The following HCN2 variants were observed in gnomAD, a reference collection of about 807,000 sequenced individuals.
HCN2 encodes hyperpolarization activated cyclic nucleotide gated potassium and sodium channel 2.
Under a neutral mutation model 52.3 loss-of-function variants are expected in HCN2, and 20 were observed. The ratio of observed to expected loss-of-function variants is 0.38; its 90% CI spans 0.27 to 0.56. The LOEUF is 0.56. Among genes scored for constraint, HCN2 ranks in the 20% least tolerant of loss-of-function variants. HCN2 has a pLI of 0.71. For missense variants in HCN2, 981 were observed against 1,207.7 expected (o/e 0.81, Z 2.78); for synonymous variants, 694 against 537.0 (o/e 1.29, Z -4.04).
Position 590,246 on chromosome 19 carries a change from G to T in HCN2, c.301G>T (p.Glu101Ter). 1.0e-6 allele frequency: 1 copy of T among 988,448 alleles called. No individual in the cohort carries two copies. Among genetic ancestry groups the T allele is most frequent in the South Asian group, 4.4e-5 (1 of 22,982 alleles). The allele number at this position is 988,448 out of a possible 1,614,324, so 61.2% of individuals were successfully genotyped here. A position where few individuals can be genotyped will look rare whatever the true frequency, so the allele number is the denominator to read the frequency against. ...CACGGCCAAGGGCAGCCCGAACGGC[G>T]AGTGCGGGCGCGGCGAGCCGCAGTG... Reference protein sequence around the residue: ...ASTAKGSPNGECGRGEPQCSP... With the variant: ...ASTAKGSPNG Residue 101 changes from glutamate to a stop codon, truncating the protein, a stop_gained, in exon 1 of 8, where the codon GAG (glutamate) becomes TAG (stop). Transcript: ENST00000251287. LOFTEE classifies it high-confidence loss of function. The surrounding 1 kb of genome is among the most constrained non-coding windows in gnomAD (Gnocchi z 7.2).
chr19:615,237 C>T (rs1405286173), intron 7 of HCN2, among the ~76,000 whole-genome samples: 2 of 149,646 alleles, frequency 1.3e-5, no homozygotes, highest in Admixed American at 6.6e-5. Flanking sequence ...CTGCCAGGCG[C>T]GGTGGCTCAC....
intron 6 of HCN2, 27 bp downstream of exon 6, chr19:613,515 G>T (rs755119338): frequency 1.9e-6 from 2 of 1,056,468 alleles, no homozygotes; most frequent in Non-Finnish European, 1.4e-6. Flanking sequence ...CGCGCCTGGA[G>T]GGGGAGGGGG....
chr19:602,538 T>C (rs1983241049), intron 1 of HCN2, among the ~76,000 whole-genome samples: 2 of 152,172 alleles, frequency 1.3e-5, no homozygotes, highest in Admixed American at 6.5e-5. Context: ...TCTGGGGCCC[T>C]CACCTCCCGG....
chr19:603,144 G>A (rs1276619586), intron 1 of HCN2, among the ~76,000 whole-genome samples: 3 of 54,038 alleles, frequency 5.6e-5, no homozygotes, highest in South Asian at 6.9e-4. Context: ...GGTGCCCCTC[G>A]TCCCACAGGG....
chr19:609,494 AGTGGCTCCT>A (rs2144524496), intron 4 of HCN2, among the ~76,000 whole-genome samples: 1 of 152,340 alleles, frequency 6.6e-6, no homozygotes, highest in African/African-American at 2.4e-5. Context: ...GGCCTGGTGC[AGTGGCTCCT>A]GCCTGTAATC....
chr19:614,285 G>A (rs1355946082), intron 7 of HCN2, among the ~76,000 whole-genome samples: 1 of 152,186 alleles, frequency 6.6e-6, no homozygotes, highest in Admixed American at 6.5e-5. Flanking sequence ...TTCAGCCAGA[G>A]GCAGCCTGTT....
At position 592,556 on chromosome 19, in the gene HCN2, C is replaced by G. The variant is rs558893456; in HGVS notation, c.632+1979C>G. Among the ~76,000 whole-genome samples, 9 of 152,136 alleles carry G rather than the reference C, an allele frequency of 5.9e-5. No homozygotes were observed. The highest frequency in any genetic ancestry group is 1.0e-4 in the Non-Finnish European group (7 of 68,018). On this transcript the variant is annotated intron_variant, in intron 1 of 7. Transcript: ENST00000251287. This position sits in a 1 kb window ranked among gnomAD's most constrained non-coding sequence, Gnocchi z 4.8. ...GTGTGGACCAAGTGCAGCCCCACCCCGGCAGATGAGTGTTGAAGTGGAACT... is the reference window on the plus strand; with the variant it reads ...GTGTGGACCAAGTGCAGCCCCACCCGGGCAGATGAGTGTTGAAGTGGAACT...
At chr19:611,949 C>T (rs1395574181) in intron 5 of HCN2, among the ~76,000 whole-genome samples, 1 of 152,102 alleles carries the variant, frequency 6.6e-6, no homozygotes, top group Admixed American at 6.5e-5. Flanking sequence ...AGTTCGAGAC[C>T]AGCCTGGCCA....
chr19:608,224 G>T (rs891642442), intron 4 of HCN2, 42 bp downstream of exon 4: 3 of 1,567,690 alleles, frequency 1.9e-6, no homozygotes, highest in African/African-American at 1.4e-5. Context: ...TGATGGGGGA[G>T]GCGGGCCTGG....
Position 605,054 on chromosome 19 carries a change from C to G in HCN2, c.1057-7C>G, listed in dbSNP as rs1289267886. ...GGGTAGGGTGGGCTCACGGCGCCTT[C>G]CTGCAGATCTTCCACATGACCTATG... On this transcript the variant is annotated splice_polypyrimidine_tract_variant and splice_region_variant and intron_variant, in intron 2 of 7. Coordinates refer to ENST00000251287, the MANE Select transcript of HCN2 (RefSeq NM_001194.4). 2.5e-6 allele frequency: 4 copies of G among 1,607,384 alleles called. No homozygotes were observed. The highest frequency in any genetic ancestry group is 1.9e-4 in the Middle Eastern group (1 of 5,180).
In HCN2 at chr19:604,976, C is replaced by T. The variant is rs533419348; in HGVS notation, c.1057-85C>T. On this transcript the variant is annotated intron_variant, in intron 2 of 7. Coordinates refer to ENST00000251287, the MANE Select transcript of HCN2 (RefSeq NM_001194.4). The stretch of plus-strand genomic sequence containing the variant: ...TTTGGGGGAGGGGGCCAGGAGCTCC[C>T]GCAGTGGGGGCGCACGGGGCTGGGG... 141 of 1,331,510 alleles carry T rather than the reference C, an allele frequency of 1.1e-4. 3 individuals carry two copies. In the South Asian group the frequency reaches 1.5e-3, roughly 14 times the overall value. The allele number at this position is 1,331,510 out of a possible 1,614,324, so 82.5% of individuals were successfully genotyped here.
rs1428959051 is a variant in HCN2, at chr19:616,906, G to A, written c.*432G>A. 9.9e-6 allele frequency: 3 copies of A among 302,134 alleles called. No homozygotes were observed. The highest frequency in any genetic ancestry group is 4.6e-5 in the African/African-American group (2 of 43,598). 18.7% of individuals were successfully genotyped at this position (302,134 alleles called of 1,614,324 possible). ...GCCGGCTTCCCGCTGCCCCCATCGC[G>A]CTCACGCAATAACCGGCCCGGCCCC... On this transcript the variant is annotated 3_prime_UTR_variant, in exon 8 of 8. Transcript: ENST00000251287.
chr19:614,052 C>G, intron 7 of HCN2, 36 bp downstream of exon 7: 1 of 1,483,488 alleles, frequency 6.7e-7, no homozygotes, highest in Non-Finnish European at 9.0e-7. Context: ...GGCGGGTGCC[C>G]TGGCGGGGGA....
At chr19:607,136 A>T (rs1235855245) in intron 3 of HCN2, among the ~76,000 whole-genome samples, 1 of 152,132 alleles carries the variant, frequency 6.6e-6, no homozygotes, top group East Asian at 1.9e-4. Context: ...GTGCCACTGC[A>T]CTCCAGCCTG....
intron 5 of HCN2, among the ~76,000 whole-genome samples, chr19:611,174 G>A (rs1005821752): frequency 6.6e-6 from 1 of 152,220 alleles, no homozygotes; most frequent in Non-Finnish European, 1.5e-5. Context: ...GGAACCGGGG[G>A]TCAGGATGTC....
At chr19:606,574 C>T (rs1983434162) in intron 3 of HCN2, among the ~76,000 whole-genome samples, 1 of 151,950 alleles carries the variant, frequency 6.6e-6, no homozygotes, top group Non-Finnish European at 1.5e-5. Context: ...ATAAATGGGC[C>T]AGGCATGGCT....
chr19:611,374 G>A (rs567837551), intron 5 of HCN2, among the ~76,000 whole-genome samples: 13 of 152,288 alleles, frequency 8.5e-5, no homozygotes, highest in South Asian at 4.1e-4. Context: ...ACGGGGAGGC[G>A]ACATCAGCAA....
Position 603,606 on chromosome 19 carries a change from G to A in HCN2, c.695G>A (p.Gly232Asp), listed in dbSNP as rs1305225702. 1.2e-6 allele frequency: 2 copies of A among 1,611,924 alleles called. No individual in the cohort carries two copies. The highest frequency in any genetic ancestry group is 1.7e-6 in the Non-Finnish European group (2 of 1,179,256). ...GGAAACCTCATCATCATCCCAGTGG[G>A]CATCACCTTCTTCAAGGATGAGACC... is the stretch of plus-strand genomic sequence containing the variant. ...MVGNLIIIPV[G>D]ITFFKDETTA... Residue 232 changes from glycine (G) to aspartate (D), a missense_variant, in exon 2 of 8, where the codon GGC becomes GAC. Gly to Asp is a moderately conservative substitution (Grantham distance 94, BLOSUM62 -1). This residue lies in a region of HCN2 where 282 missense variants were observed against 553.8 expected (regional missense o/e 0.51). Transcript: ENST00000251287.
Position 616,279 on chromosome 19 carries a change from C to T in HCN2, c.2475C>T (p.Pro825=), listed in dbSNP as rs900742106. 38 of 1,060,490 alleles carry T rather than the reference C, an allele frequency of 3.6e-5. No individual in the cohort carries two copies. Among genetic ancestry groups the T allele is most frequent in the African/African-American group, 2.2e-4 (13 of 58,022 alleles). 65.7% of individuals were successfully genotyped at this position (1,060,490 alleles called of 1,614,324 possible). Residue 825 remains proline (P), a synonymous_variant, in exon 8 of 8, where the codon CCC becomes CCT. Coordinates refer to ENST00000251287, the MANE Select transcript of HCN2 (RefSeq NM_001194.4). The part of the protein sequence containing the change: ...RASRPLSASQ[P]SLPHGAPGPA... ...CGCGCCCACTGTCCGCCTCGCAGCC[C>T]TCGCTGCCTCACGGCGCCCCCGGCC...
Sources: gnomAD v4.1 joint callset for allele counts (sites outside exome capture counted in the v4.1 genomes callset) on GRCh38, gnomAD v4.1.1 for gene constraint, gnomAD v4.1.1 regional missense constraint, Gnocchi (gnomAD v3.1) non-coding constraint, MANE v1.5 for transcripts, NCBI Gene and HGNC (gene_info 2026-07-23, HGNC 2026-07-21) for gene names.